RAB38: variants seen among roughly 807,000 people sequenced by gnomAD.
The protein encoded by RAB38 is ras-related protein Rab-38.
Under a neutral mutation model 18.4 loss-of-function variants are expected in RAB38, and 15 were observed. The ratio of observed to expected loss-of-function variants is 0.82; its 90% confidence interval spans 0.55 to 1.26. RAB38 has a LOEUF of 1.26. Ranked by LOEUF, RAB38 falls within the 50% of genes most tolerant of loss-of-function variation. RAB38 has a pLI of 0.00. For synonymous variants in RAB38, 101 were observed against 104.4 expected, an observed-to-expected ratio of 0.97 and a Z score of 0.20; for missense variants, 294 against 267.4, an observed-to-expected ratio of 1.10 and a Z score of -0.69.
In RAB38 at chr11:88,149,887, C is replaced by T. The variant is rs781587258; in HGVS notation, c.271G>A (p.Asp91Asn). The stretch of plus-strand genomic sequence containing the variant: ...TCAAATGTGGCTGGCCTGGTGACAT[C>T]GAAGACAATAAATGCACCCATAGCT... ...REAMGAFIVF[D>N]VTRPATFEAV... The change falls in exon 2 of 3, where the codon GAT (aspartate) becomes AAT (asparagine). Residue 91 changes from aspartate to asparagine, a missense_variant. Coordinates refer to ENST00000243662, the MANE Select transcript of RAB38 (RefSeq NM_022337.3). The T allele has an allele frequency of 6.2e-6, 10 of 1,613,744 alleles. No homozygotes were observed. The African/African-American group carries it at 6.7e-5, about 11-fold the overall frequency.
rs542863210 is a variant in RAB38, at chr11:88,127,160, C to A, written c.484-13020G>T. ...GATTTCTCAGAGTCTTTTAGAAGAT[C>A]GTGGAGTGTGCCTTGTGTTCAAATT... On this transcript the variant is annotated intron_variant, in intron 2 of 2. Coordinates refer to ENST00000243662, the MANE Select transcript of RAB38 (RefSeq NM_022337.3). Among the ~76,000 whole-genome samples, 32 of 152,274 alleles carry A rather than the reference C, an allele frequency of 2.1e-4. No individual in the cohort carries two copies. The Middle Eastern group carries it at 0.01, about 49-fold the overall frequency.
the RAB38 span, among the ~76,000 whole-genome samples, chr11:87,930,967 G>T: frequency 6.6e-6 from 1 of 152,110 alleles, no homozygotes; most frequent in African/African-American, 2.4e-5. Flanking sequence ...GGTTACTGTA[G>T]CCTTGTAGCA....
the RAB38 span, among the ~76,000 whole-genome samples, chr11:87,912,762 C>CTTTTTTTTTTTTTTTTTTTTTTTT: frequency 3.5e-5 from 3 of 86,556 alleles, no homozygotes; most frequent in East Asian, 3.8e-4. Flanking sequence ...AATTTTCTTT[C>CTTTTTTTTTTTTTTTTTTTTTTTT]TTTCTTTTTT....
chr11:87,878,222 T>TATATATATACACAC, the RAB38 span, among the ~76,000 whole-genome samples: 16 of 116,154 alleles, frequency 1.4e-4, 2 homozygotes, highest in African/African-American at 6.8e-4. Flanking sequence ...TATATATATA[T>TATATATATACACAC]ACACACATAT....
chr11:88,056,670 G>C, the RAB38 span, among the ~76,000 whole-genome samples: 1 of 152,062 alleles, frequency 6.6e-6, no homozygotes. Context: ...CGAGCGAGGT[G>C]GTGGGCGCCT....
At chr11:88,098,543 T>G in the RAB38 span, 1 of 152,006 alleles carries the variant, frequency 6.6e-6, no homozygotes, top group Non-Finnish European at 1.5e-5. Context: ...GTGAACATTC[T>G]TGAACTTCAG....
At chr11:88,144,686 G>A (rs1442151887) in intron 2 of RAB38, among the ~76,000 whole-genome samples, 2 of 152,182 alleles carry the variant, frequency 1.3e-5, no homozygotes, top group African/African-American at 4.8e-5. Flanking sequence ...CAGGGCACCT[G>A]TTGCTCTTAG....
At chr11:87,833,562 A>T in the RAB38 span, among the ~76,000 whole-genome samples, 5 of 152,206 alleles carry the variant, frequency 3.3e-5, no homozygotes, top group African/African-American at 1.2e-4. Context: ...CACAGCACTT[A>T]CTTTATACCA....
At chr11:87,894,286 A>C in the RAB38 span, among the ~76,000 whole-genome samples, 2 of 151,698 alleles carry the variant, frequency 1.3e-5, no homozygotes, top group Non-Finnish European at 3.0e-5. Flanking sequence ...TGAGGGAGGA[A>C]TAAATAATTC....
At chr11:87,879,203 A>C in the RAB38 span, among the ~76,000 whole-genome samples, 1 of 151,688 alleles carries the variant, frequency 6.6e-6, no homozygotes, top group Non-Finnish European at 1.5e-5. Flanking sequence ...AAATGGCTTA[A>C]GTTGAGCATA....
downstream of RAB38, among the ~76,000 whole-genome samples, chr11:88,108,801 T>C (rs913723854): frequency 6.6e-6 from 1 of 152,240 alleles, no homozygotes; most frequent in Admixed American, 6.5e-5. Context: ...TATTTAGGCT[T>C]TCTTCAGGAG....
At chr11:88,114,171 T>C (rs1337896213) in intron 2 of RAB38, 31 bp from the exon 3 acceptor site, 1 of 1,606,692 alleles carries the variant, frequency 6.2e-7, no homozygotes. Flanking sequence ...CAGCTTTTCT[T>C]ATTCAATACT....
chr11:88,138,407 TG>T lies in RAB38; in HGVS notation c.483+11267del, dbSNP rs1383905240. 3.3e-5 allele frequency among the ~76,000 whole-genome samples: 5 copies of T among 152,062 alleles called. 1 individual carries two copies. Among genetic ancestry groups the T allele is most frequent in the Admixed American group, 3.3e-4 (5 of 15,254 alleles). ...GAATTTTACTGAAAAGATGGGGAAG[TG>T]GGGTAAGTAGGTAAGAAAATTAAAT... On this transcript the variant is annotated intron_variant, in intron 2 of 2. Coordinates refer to ENST00000243662, the MANE Select transcript of RAB38 (RefSeq NM_022337.3).
At chr11:88,120,487 C>G (rs1192359322) in intron 2 of RAB38, among the ~76,000 whole-genome samples, 3 of 152,182 alleles carry the variant, frequency 2.0e-5, no homozygotes, top group Non-Finnish European at 4.4e-5. Context: ...GAAGCCAGGT[C>G]TCAGTGATGC....
chr11:88,006,234 C>A, the RAB38 span, among the ~76,000 whole-genome samples: 1 of 151,400 alleles, frequency 6.6e-6, no homozygotes, highest in Non-Finnish European at 1.5e-5. Context: ...TATCACCTGA[C>A]TCCAGTCAGA....
At chr11:87,865,080 G>A in the RAB38 span, among the ~76,000 whole-genome samples, 1 of 151,662 alleles carries the variant, frequency 6.6e-6, no homozygotes, top group African/African-American at 2.4e-5. Flanking sequence ...TCCTGTAAGA[G>A]GGTCACCAGA....
chr11:88,069,164 C>T, the RAB38 span, among the ~76,000 whole-genome samples: 1 of 152,222 alleles, frequency 6.6e-6, no homozygotes, highest in Non-Finnish European at 1.5e-5. Context: ...GCACCGCTGG[C>T]TCTGGGGAAG....
At chr11:88,019,859 C>T in the RAB38 span, among the ~76,000 whole-genome samples, 1 of 152,084 alleles carries the variant, frequency 6.6e-6, no homozygotes, top group Non-Finnish European at 1.5e-5. Flanking sequence ...TCTCTTTTTT[C>T]GGTCCTAGAA....
intron 2 of RAB38, among the ~76,000 whole-genome samples, chr11:88,143,210 A>G (rs2134815939): frequency 6.6e-6 from 1 of 152,356 alleles, no homozygotes; most frequent in African/African-American, 2.4e-5. Flanking sequence ...GTGAACAGAA[A>G]AAGTAACAGT....
Sources: allele counts gnomAD v4.1 joint callset (sites outside exome capture counted in the v4.1 genomes callset), GRCh38; gene constraint gnomAD v4.1.1; transcripts MANE v1.5; gene names NCBI Gene and HGNC (gene_info 2026-07-23, HGNC 2026-07-21).